The following PHEX variants were observed in gnomAD, a reference collection of about 807,000 sequenced individuals.
PHEX encodes the protein phosphate-regulating neutral endopeptidase PHEX.
In PHEX, 16 loss-of-function variants were observed where a neutral mutation model predicts 68.0. The observed-to-expected ratio is 0.24, with a 90% CI of 0.16 to 0.36. The LOEUF is 0.36. PHEX is among the 10% of genes least tolerant of loss of function. The pLI, the probability that PHEX is intolerant of heterozygous loss-of-function variation, is 1.00. For missense variants in PHEX, 480 were observed against 575.5 expected (o/e 0.83, Z 1.70); for synonymous variants, 208 against 205.1 (o/e 1.01, Z -0.12).
At chrX:22,188,312 C>G (rs1263848803) in intron 14 of PHEX, among the ~76,000 whole-genome samples, 3 of 111,434 alleles carry the variant, frequency 2.7e-5, no homozygotes, top group Non-Finnish European at 5.6e-5. Context: ...AGGCAGTCCT[C>G]CTGCCTCAGC....
chrX:22,198,438 C>A (rs976691361), intron 15 of PHEX, among the ~76,000 whole-genome samples: 3 of 109,565 alleles, frequency 2.7e-5, no homozygotes, highest in Non-Finnish European at 5.7e-5. Context: ...ATTCTGGGAG[C>A]CACAGTGGAG....
At chrX:22,158,277 T>C (rs1406468935) in intron 12 of PHEX, among the ~76,000 whole-genome samples, 1 of 111,958 alleles carries the variant, frequency 8.9e-6, no homozygotes, top group African/African-American at 3.2e-5. Flanking sequence ...TTTTGATTGA[T>C]GTTTAATAGT....
chrX:22,233,110 T>C (rs941286794), intron 20 of PHEX, among the ~76,000 whole-genome samples: 7 of 111,895 alleles, frequency 6.3e-5, no homozygotes, highest in African/African-American at 2.3e-4. Flanking sequence ...TTCTTTTCTT[T>C]GAGATTGTTG....
chrX:22,223,311 T>A (rs1005267173), intron 18 of PHEX, among the ~76,000 whole-genome samples: 2 of 111,742 alleles, frequency 1.8e-5, no homozygotes, highest in African/African-American at 6.5e-5. Flanking sequence ...CTGTTGAGTC[T>A]TTTTTTGTTG....
At chrX:22,082,945 C>T (rs1929458966) in intron 5 of PHEX, among the ~76,000 whole-genome samples, 2 of 111,803 alleles carry the variant, frequency 1.8e-5, no homozygotes, top group Non-Finnish European at 3.8e-5. Flanking sequence ...TCACATTACC[C>T]GATTTCAAAC....
chrX:22,184,684 G>A (rs1933976502), intron 14 of PHEX, among the ~76,000 whole-genome samples: 1 of 111,882 alleles, frequency 8.9e-6, no homozygotes, highest in Admixed American at 9.5e-5. Context: ...TGCTCGGCTT[G>A]AGTTGAAAGT....
chrX:22,239,619 T>C (rs1936112699), intron 20 of PHEX, among the ~76,000 whole-genome samples: 1 of 109,806 alleles, frequency 9.1e-6, no homozygotes, highest in Non-Finnish European at 1.9e-5. Context: ...GCCGAACTGA[T>C]CAAGCGGAAG....
In PHEX at chrX:22,094,047, G is replaced by A. The variant is rs775766235; in HGVS notation, c.797G>A (p.Arg266Lys). 8.3e-7 allele frequency: 1 copy of A among 1,203,836 alleles called. No individual in the cohort carries two copies. The highest frequency in any genetic ancestry group is 1.1e-6 in the Non-Finnish European group (1 of 888,982). The stretch of plus-strand genomic sequence containing the variant: ...GTGCTTTTAGGAGCTAACAGTTCCA[G>A]AGCAGAGCATGACATGAAGTCAGTG... ...TAVLLGANSS[R>K]AEHDMKSVLR... The change falls in exon 7 of 22, where the codon AGA (arginine) becomes AAA (lysine). Residue 266 changes from arginine to lysine, a missense_variant. Arg to Lys is a conservative substitution (Grantham distance 26, BLOSUM62 2). Coordinates refer to ENST00000379374, the MANE Select transcript of PHEX (RefSeq NM_000444.6).
At chrX:22,197,069 G>A (rs1008947802) in intron 15 of PHEX, among the ~76,000 whole-genome samples, 2 of 111,961 alleles carry the variant, frequency 1.8e-5, no homozygotes, top group Non-Finnish European at 3.8e-5. Context: ...TCCACTTGAT[G>A]TTCCATCTGG....
intron 3 of PHEX, among the ~76,000 whole-genome samples, chrX:22,069,871 A>T (rs779219230): frequency 4.5e-5 from 5 of 111,806 alleles, no homozygotes; most frequent in Admixed American, 9.6e-5. Flanking sequence ...ACCATGACTT[A>T]GTTAACTTGA....
At chrX:22,195,146 T>A (rs985593757) in intron 15 of PHEX, among the ~76,000 whole-genome samples, 1 of 111,987 alleles carries the variant, frequency 8.9e-6, no homozygotes, top group Non-Finnish European at 1.9e-5. Flanking sequence ...GAAGATTTAA[T>A]GAGACGAATT....
chrX:22,088,868 T>C (rs779722899), intron 5 of PHEX, among the ~76,000 whole-genome samples: 45 of 112,113 alleles, frequency 4.0e-4, no homozygotes, highest in Non-Finnish European at 7.5e-4. Context: ...AAACTCTTTG[T>C]CTAACCCCTA....
intron 18 of PHEX, among the ~76,000 whole-genome samples, chrX:22,225,311 C>T (rs1265175896): frequency 1.8e-5 from 2 of 111,100 alleles, no homozygotes; most frequent in Non-Finnish European, 3.8e-5. Flanking sequence ...TCATAAAAGT[C>T]TCCTTTGCCA....
At chrX:22,105,593 C>T (rs904755120) in intron 9 of PHEX, among the ~76,000 whole-genome samples, 1 of 111,862 alleles carries the variant, frequency 8.9e-6, no homozygotes, top group African/African-American at 3.3e-5. Flanking sequence ...CTGTGGCTCA[C>T]TTCAGATAGT....
At chrX:22,240,747 C>T (rs908164557) in intron 20 of PHEX, among the ~76,000 whole-genome samples, 6 of 111,699 alleles carry the variant, frequency 5.4e-5, no homozygotes, top group African/African-American at 2.0e-4. Flanking sequence ...CAGGAGTACC[C>T]AGATTCATAA....
chrX:22,156,383 G>T (rs914179272), intron 12 of PHEX, among the ~76,000 whole-genome samples: 2 of 109,708 alleles, frequency 1.8e-5, no homozygotes, highest in African/African-American at 6.6e-5. Flanking sequence ...GGGGATTTAC[G>T]ACAGTTGAAT....
In PHEX at chrX:22,249,452, AAAAATATATATATAT is replaced by A. The variant is rs1315671213; in HGVS notation, c.*1501_*1515del. Reference sequence around the variant, plus strand: ...GATTTGTGATTCTTTTAAAAAAAAAAAAAATATATATATATATATATATATATATATATATGTATA... The same window carrying A: ...GATTTGTGATTCTTTTAAAAAAAAAAATATATATATATATATATATGTATA... On this transcript the variant is annotated 3_prime_UTR_variant, in exon 22 of 22. Transcript: ENST00000379374. 2.5e-5 allele frequency: 1 copy of A among 40,642 alleles called. No homozygotes were observed. The highest frequency in any genetic ancestry group is 1.1e-4 in the African/African-American group (1 of 8,857). The allele number at this position is 40,642 out of a possible 1,213,427, so 3.3% of individuals were successfully genotyped here.
chrX:22,095,317 A>G (rs1218590713), intron 7 of PHEX, among the ~76,000 whole-genome samples: 2 of 112,036 alleles, frequency 1.8e-5, no homozygotes, highest in Non-Finnish European at 3.8e-5. Flanking sequence ...CTTTCCAGGC[A>G]CATAGGAGGC....
In PHEX at chrX:22,067,249, A is replaced by AG. The variant is rs113709100; in HGVS notation, c.350-9139_350-9138insG. Among the ~76,000 whole-genome samples the AG allele has an allele frequency of 4.1e-3, 456 of 110,745 alleles. 1 individual carries two copies. Among genetic ancestry groups the AG allele is most frequent in the African/African-American group, 0.014 (423 of 30,447 alleles). On this transcript the variant is annotated intron_variant, in intron 3 of 21. Coordinates refer to ENST00000379374, the MANE Select transcript of PHEX (RefSeq NM_000444.6). ...AGAGTGAGGCCCTGTCTCGAAAAAA[A>AG]AAAAAAGAAAGAAATACCCTGTATG...
Sources: allele counts gnomAD v4.1 joint callset (sites outside exome capture counted in the v4.1 genomes callset), GRCh38; gene constraint gnomAD v4.1.1; transcripts MANE v1.5; gene names NCBI Gene and HGNC (gene_info 2026-07-23, HGNC 2026-07-21).